The following ABCA9 variants were observed in gnomAD, a reference collection of about 807,000 sequenced individuals.
The protein encoded by ABCA9 is ATP-binding cassette sub-family A member 9.
Under a neutral mutation model 205.3 loss-of-function variants are expected in ABCA9, and 183 were observed. That is an observed-to-expected ratio of 0.89 (90% confidence interval 0.79 to 1.01). The LOEUF is 1.01. Ranked by LOEUF, ABCA9 falls within the 50% of genes least tolerant of loss-of-function variation. The pLI is 0.00. For synonymous variants in ABCA9, 651 were observed against 683.3 expected, an observed-to-expected ratio of 0.95 and a Z score of 0.74; for missense variants, 1,805 against 1,912.4, an observed-to-expected ratio of 0.94 and a Z score of 1.05.
chr17:68,985,844 C>T (rs2069215515), intron 32 of ABCA9, among the ~76,000 whole-genome samples: 2 of 151,928 alleles, frequency 1.3e-5, no homozygotes, highest in African/African-American at 4.8e-5. Flanking sequence ...GTAATCCCAG[C>T]TACTAGGGAG....
chr17:69,028,136 A>G (rs2071051567), intron 12 of ABCA9, among the ~76,000 whole-genome samples: 1 of 152,220 alleles, frequency 6.6e-6, no homozygotes, highest in African/African-American at 2.4e-5. Context: ...ATAATGAGTA[A>G]TGAAACTATT....
At chr17:69,067,196 G>T in the ABCA9 span, among the ~76,000 whole-genome samples, 1 of 151,864 alleles carries the variant, frequency 6.6e-6, no homozygotes, top group East Asian at 1.9e-4. Context: ...TGTATGAATG[G>T]AAATTTTCTT....
At chr17:69,009,575 C>G (rs146699778) in intron 23 of ABCA9, among the ~76,000 whole-genome samples, 2 of 152,174 alleles carry the variant, frequency 1.3e-5, no homozygotes, top group African/African-American at 2.4e-5. Context: ...CTTGGTATGA[C>G]GAGAAACCAT....
At chr17:69,046,396 C>CT (rs1461404018) in intron 3 of ABCA9, among the ~76,000 whole-genome samples, 1 of 152,068 alleles carries the variant, frequency 6.6e-6, no homozygotes, top group Non-Finnish European at 1.5e-5. Flanking sequence ...AGGTCTAATC[C>CT]TTTTTTGCCA....
Position 68,995,880 on chromosome 17 carries a change from A to G in ABCA9, c.3555+15T>C. The G allele has an allele frequency of 1.9e-6, 3 of 1,613,156 alleles. No individual in the cohort carries two copies. Among genetic ancestry groups the G allele is most frequent in the Non-Finnish European group, 2.5e-6 (3 of 1,179,798 alleles). ...ACACATTTCATGACCCTCAGACAGA[A>G]GTGGAACTACTTACCTCAGAAAAAA... On this transcript the variant is annotated intron_variant, in intron 26 of 38. Coordinates refer to ENST00000340001, the MANE Select transcript of ABCA9 (RefSeq NM_080283.4).
intron 1 of ABCA9, among the ~76,000 whole-genome samples, chr17:69,055,722 C>T (rs2072049986): frequency 6.6e-6 from 1 of 152,134 alleles, no homozygotes; most frequent in African/African-American, 2.4e-5. Flanking sequence ...TCATCCTTCT[C>T]ATGCTCACAT....
At chr17:69,032,309 C>A in intron 9 of ABCA9, 33 bp from the exon 10 acceptor site, 1 of 1,595,840 alleles carries the variant, frequency 6.3e-7, no homozygotes, top group South Asian at 1.1e-5. Flanking sequence ...AATACTGGGT[C>A]AGTCATCGCT....
chr17:68,992,233 G>A lies in ABCA9; in HGVS notation c.3658C>T (p.Leu1220=). ...YLHFLIFLFI[L]RCLEMNCRKK... is the part of the protein sequence containing the mutation. ...CTGCAGTTCATTTCTAGGCATCGCA[G>A]AATGAAAAGAAAAATGAGAAAATGA... The change falls in exon 28 of 39, where the codon CTG becomes TTG. Residue 1220 remains leucine (L), a synonymous_variant. Transcript: ENST00000340001. The A allele has an allele frequency of 6.3e-7, 1 of 1,595,412 alleles. No homozygotes were observed.
At chr17:69,062,762 C>T (rs931564890), upstream of ABCA9, among the ~76,000 whole-genome samples, 2 of 152,132 alleles carry the variant, frequency 1.3e-5, no homozygotes, top group Non-Finnish European at 2.9e-5. Flanking sequence ...ATGCACCCAC[C>T]TTGGCCCCAC....
At chr17:69,026,915 G>C in intron 15 of ABCA9, 61 bp downstream of exon 15, 1 of 1,581,212 alleles carries the variant, frequency 6.3e-7, no homozygotes, top group Non-Finnish European at 8.6e-7. Context: ...GAGCATACCT[G>C]TTCATATTCC....
Position 69,012,074 on chromosome 17 carries a change from C to A in ABCA9, c.3049G>T (p.Asp1017Tyr). The A allele has an allele frequency of 6.2e-7, 1 of 1,609,524 alleles. No individual in the cohort carries two copies. The highest frequency in any genetic ancestry group is 8.5e-7 in the Non-Finnish European group (1 of 1,177,798). Residue 1017 changes from aspartate to tyrosine, a missense_variant, in exon 23 of 39, where the codon GAT (aspartate) becomes TAT (tyrosine). By Grantham distance (160) the Asp-to-Tyr change is radical. Transcript: ENST00000340001. ...DRSTFFEEHM[D>Y]YEYGYRSNTF... The stretch of plus-strand genomic sequence containing the variant: ...TTACTTCGGTACCCATACTCATAAT[C>A]CATATGCTCCTGAAATCATGTGGAA...
In ABCA9 at chr17:68,984,901, C is replaced by T. The variant is rs749472643; in HGVS notation, c.4363G>A (p.Gly1455Arg). The T allele has an allele frequency of 2.5e-6, 4 of 1,614,162 alleles. No homozygotes were observed. In the South Asian group the frequency reaches 4.4e-5, roughly 18 times the overall value. The change falls in exon 34 of 39, where the codon GGG (glycine) becomes AGG (arginine). Residue 1455 changes from glycine to arginine, a missense_variant. Gly to Arg is a moderately radical substitution (Grantham distance 125, BLOSUM62 -2). Transcript: ENST00000340001. ...DEPSTGMDPE[G>R]QQQMWQVIRA... ...GCACCTCACCACATTTGCTGCTGCC[C>T]CTCGGGGTCCATCCCGGTCGACGGC... is the stretch of plus-strand genomic sequence containing the variant.
At position 69,035,377 on chromosome 17, in the gene ABCA9, A is replaced by T. The variant is rs779522809; in HGVS notation, c.997T>A (p.Leu333Met). The T allele has an allele frequency of 6.2e-7, 1 of 1,607,646 alleles. No individual in the cohort carries two copies. The highest frequency in any genetic ancestry group is 8.5e-7 in the Non-Finnish European group (1 of 1,176,828). ...VLIKKPFLTGLVVFLLIVFWG... is the reference protein window; with the variant it reads ...VLIKKPFLTGMVVFLLIVFWG... ...AAGACAATAAGGAGAAACACAACCA[A>T]GCCCGTAAGGAAAGGTTTCTTTATC... is the stretch of plus-strand genomic sequence containing the variant. Residue 333 changes from leucine (L) to methionine (M), a missense_variant, in exon 8 of 39, where the codon TTG becomes ATG. Physicochemically the swap from Leu to Met is conservative, Grantham distance 15. Transcript: ENST00000340001.
In ABCA9 at chr17:68,998,021, G is replaced by A. The variant is rs141933556; in HGVS notation, c.3436-2007C>T. ...TTCGCCTTTTCCAGAATGTCATTTA[G>A]TTGTAATCATACAGTGTGTAGACTT... On this transcript the variant is annotated intron_variant, in intron 25 of 38. Coordinates refer to ENST00000340001, the MANE Select transcript of ABCA9 (RefSeq NM_080283.4). Among the ~76,000 whole-genome samples, 127 of 152,252 alleles carry A rather than the reference G, an allele frequency of 8.3e-4. 3 individuals are homozygous for A. The East Asian group carries it at 0.024, about 29-fold the overall frequency.
chr17:69,051,173 T>C, intron 1 of ABCA9, 34 bp from the exon 2 acceptor site: 1 of 1,591,994 alleles, frequency 6.3e-7, no homozygotes, highest in Non-Finnish European at 8.6e-7. Context: ...GAAGTACATG[T>C]GAAGGTCTAA....
rs1335682174 is a variant in ABCA9, at chr17:69,027,443, G to A, written c.1798C>T (p.Arg600Ter). 19 of 1,605,990 alleles carry A rather than the reference G, an allele frequency of 1.2e-5. No homozygotes were observed. Among genetic ancestry groups the A allele is most frequent in the African/African-American group, 2.7e-5 (2 of 74,552 alleles). Reference sequence around the variant, plus strand: ...TCCATTTCTAATTCCTGTACAACTCGTTGTACCTAATCAAATAAAGAATAT... The same window carrying A: ...TCCATTTCTAATTCCTGTACAACTCATTGTACCTAATCAAATAAAGAATAT... Reference protein sequence around the residue: ...LPHEVEKEVQRVVQELEMENI... With the variant: ...LPHEVEKEVQ The change falls in exon 14 of 39, where the codon CGA becomes TGA. Residue 600 changes from arginine to a stop codon, truncating the protein, a stop_gained. Transcript: ENST00000340001. LOFTEE classifies it high-confidence loss of function.
Position 68,980,005 on chromosome 17 carries a change from G to A in ABCA9, c.4720+2557C>T, listed in dbSNP as rs71584695. The stretch of plus-strand genomic sequence containing the variant: ...CATCAGAGTGAACAGGCAACCTACA[G>A]AATGGGAGAAAATTTTTGCAATCTA... On this transcript the variant is annotated intron_variant, in intron 37 of 38. Transcript: ENST00000340001. Among the ~76,000 whole-genome samples the A allele has an allele frequency of 2.4e-3, 360 of 152,158 alleles. 1 individual carries two copies. The highest frequency in any genetic ancestry group is 8.2e-3 in the African/African-American group (341 of 41,524).
At chr17:69,049,559 C>T in intron 2 of ABCA9, 69 bp from the exon 3 acceptor site, 1 of 1,281,866 alleles carries the variant, frequency 7.8e-7, no homozygotes, top group African/African-American at 1.5e-5. Flanking sequence ...CATCCACAAA[C>T]AGTTTGAAAT....
At chr17:69,004,966 C>T (rs926308187) in intron 25 of ABCA9, among the ~76,000 whole-genome samples, 1 of 152,194 alleles carries the variant, frequency 6.6e-6, no homozygotes, top group Non-Finnish European at 1.5e-5. Flanking sequence ...GGCAATGCCT[C>T]GCCCTGCTTC....
Sources: allele counts gnomAD v4.1 joint callset (sites outside exome capture counted in the v4.1 genomes callset), GRCh38; gene constraint gnomAD v4.1.1; transcripts MANE v1.5; gene names NCBI Gene and HGNC (gene_info 2026-07-23, HGNC 2026-07-21).